Variants in STAC observed in about 807,000 individuals in gnomAD.
STAC encodes the protein SH3 and cysteine rich domain.
A neutral mutation model predicts 48.8 loss-of-function variants in STAC; 43 were observed. The ratio of observed to expected loss-of-function variants is 0.88; its 90% CI spans 0.69 to 1.14. The LOEUF is 1.14. STAC is among the 50% of genes most tolerant of loss of function. The pLI, the probability that STAC is intolerant of heterozygous loss-of-function variation, is 0.00. For synonymous variants in STAC, 193 were observed against 179.5 expected (o/e 1.07, Z -0.60); for missense variants, 497 against 504.0 (o/e 0.99, Z 0.13).
rs185867701 is a variant in STAC at position 36,530,380 on chromosome 3, C to T, written c.1110+1395C>T. Among the ~76,000 whole-genome samples, 10 of 152,150 alleles carry T rather than the reference C, an allele frequency of 6.6e-5. No homozygotes were observed. In the East Asian group the frequency reaches 7.7e-4, roughly 12 times the overall value. ...AGTTGCCGAAAACACATCTTGAATG[C>T]CTTTTTTAGGATTGCCTCAAAGATA... On this transcript the variant is annotated intron_variant, in intron 10 of 10. Coordinates refer to ENST00000273183, the MANE Select transcript of STAC (RefSeq NM_003149.3).
rs748654906 is a variant in STAC, at chr3:36,443,483, T to A, written c.231T>A (p.Ala77=). 6.2e-7 allele frequency: 1 copy of A among 1,614,222 alleles called. No homozygotes were observed. Among genetic ancestry groups the A allele is most frequent in the Admixed American group, 1.7e-5 (1 of 60,028 alleles). Residue 77 remains alanine, a synonymous_variant, in exon 2 of 11, where the codon GCT becomes GCA. Transcript: ENST00000273183. This position sits in a 1 kb window ranked among gnomAD's most constrained non-coding sequence, Gnocchi z 4.2. ...TGAAACTGCAAGCACACATGGTGGCTGAGATCAGCCCCAGCTCCAGCCCAC... is the reference window on the plus strand; with the variant it reads ...TGAAACTGCAAGCACACATGGTGGCAGAGATCAGCCCCAGCTCCAGCCCAC... ...EDMKLQAHMV[A]EISPSSSPLP... is the part of the protein sequence containing the mutation.
chr3:36,520,363 G>A (rs1315470797), intron 8 of STAC, among the ~76,000 whole-genome samples: 1 of 152,176 alleles, frequency 6.6e-6, no homozygotes, highest in African/African-American at 2.4e-5. Context: ...GAGAACAACT[G>A]TGACTTATCC....
chr3:36,436,201 C>T (rs183605005), intron 1 of STAC, among the ~76,000 whole-genome samples: 11 of 152,276 alleles, frequency 7.2e-5, no homozygotes, highest in Non-Finnish European at 1.2e-4. Flanking sequence ...CAAATTCAGC[C>T]GTATCTTACC....
chr3:36,534,537 T>C (rs1575269153), intron 10 of STAC, among the ~76,000 whole-genome samples: 1 of 152,256 alleles, frequency 6.6e-6, no homozygotes, highest in South Asian at 2.1e-4. Context: ...TTTGATTAAA[T>C]CACATTTTCT....
chr3:36,433,272 G>A (rs1433107913), intron 1 of STAC, among the ~76,000 whole-genome samples: 1 of 152,126 alleles, frequency 6.6e-6, no homozygotes, highest in Non-Finnish European at 1.5e-5. Context: ...ACTGGGGCCT[G>A]CTCTTAGTTT....
At chr3:36,540,399 G>A (rs957402853) in intron 10 of STAC, among the ~76,000 whole-genome samples, 2 of 152,254 alleles carry the variant, frequency 1.3e-5, no homozygotes, top group East Asian at 3.9e-4. Context: ...GAAGGTTATG[G>A]ACTCTGGGAT....
intron 1 of STAC, among the ~76,000 whole-genome samples, chr3:36,389,149 T>C (rs1239726231): frequency 1.3e-5 from 2 of 152,170 alleles, no homozygotes; most frequent in African/African-American, 4.8e-5. Context: ...TCCTCAAATA[T>C]TTCCTGCCAA....
intron 2 of STAC, among the ~76,000 whole-genome samples, chr3:36,478,965 T>C (rs9840835): frequency 0.12 from 18,688 of 152,190 alleles, 1,351 homozygotes; most frequent in East Asian, 0.31. Context: ...TTTCCAAGTC[T>C]GCTGCCTTAC....
At chr3:36,388,072 A>T (rs752699257) in intron 1 of STAC, among the ~76,000 whole-genome samples, 2 of 151,968 alleles carry the variant, frequency 1.3e-5, no homozygotes, top group Non-Finnish European at 2.9e-5. Flanking sequence ...TCATGTTTTT[A>T]TGTGCTTATA....
chr3:36,512,162 A>C (rs1698558420), intron 8 of STAC, among the ~76,000 whole-genome samples: 5 of 152,160 alleles, frequency 3.3e-5, no homozygotes, highest in Admixed American at 3.3e-4. Context: ...TGCTGAGTAA[A>C]ATCGTCATGC....
rs35923979 is a variant in STAC, at chr3:36,478,730, TG to T, written c.389-4261del. Among the ~76,000 whole-genome samples, 843 of 152,246 alleles carry T rather than the reference TG, an allele frequency of 5.5e-3. 3 individuals carry two copies. Among genetic ancestry groups the T allele is most frequent in the Middle Eastern group, 0.01 (3 of 294 alleles). On this transcript the variant is annotated intron_variant, in intron 2 of 10. Transcript: ENST00000273183. ...TTCAAACTCCTGACCTCAAGTGATC[TG>T]CCCACCTCAGCTTCCCAAAGTGCTG...
intron 1 of STAC, among the ~76,000 whole-genome samples, chr3:36,395,141 A>G (rs1204503599): frequency 1.3e-5 from 2 of 152,154 alleles, no homozygotes; most frequent in African/African-American, 4.8e-5. Context: ...AATCTTATGG[A>G]TAACTTTGCA....
intron 1 of STAC, among the ~76,000 whole-genome samples, chr3:36,385,854 C>T (rs938686326): frequency 1.3e-5 from 2 of 151,952 alleles, no homozygotes; most frequent in African/African-American, 4.8e-5. Context: ...TATAACATTC[C>T]ATTGTATGAA....
intron 1 of STAC, among the ~76,000 whole-genome samples, chr3:36,431,873 A>G (rs1247405506): frequency 2.0e-5 from 3 of 152,172 alleles, no homozygotes. Context: ...TTACATCTGC[A>G]AACTTCACTT....
intron 1 of STAC, among the ~76,000 whole-genome samples, chr3:36,419,985 G>T (rs1260095483): frequency 6.6e-6 from 1 of 151,798 alleles, no homozygotes; most frequent in Non-Finnish European, 1.5e-5. Flanking sequence ...CTATTTTTTT[G>T]CTTTCTTTTT....
chr3:36,440,790 G>A (rs529281021), intron 1 of STAC, among the ~76,000 whole-genome samples: 2 of 152,280 alleles, frequency 1.3e-5, no homozygotes, highest in East Asian at 3.9e-4. Flanking sequence ...CTTTTGAAGT[G>A]GAACTTAGGG....
chr3:36,386,406 TG>T (rs1699617782), intron 1 of STAC, among the ~76,000 whole-genome samples: 1 of 137,398 alleles, frequency 7.3e-6, no homozygotes, highest in African/African-American at 2.5e-5. Flanking sequence ...TCTTCTACAC[TG>T]AAAAAAAAAA....
chr3:36,439,438 T>G (rs1696259459), intron 1 of STAC, among the ~76,000 whole-genome samples: 1 of 152,166 alleles, frequency 6.6e-6, no homozygotes, highest in African/African-American at 2.4e-5. Flanking sequence ...ATTCTGATTT[T>G]GAGACATGAG....
At chr3:36,521,829 C>T (rs763810147) in intron 8 of STAC, among the ~76,000 whole-genome samples, 2 of 152,120 alleles carry the variant, frequency 1.3e-5, no homozygotes, top group African/African-American at 2.4e-5. Flanking sequence ...CATGGTGGCT[C>T]GTGTCTGTAA....
Sources: allele counts gnomAD v4.1 joint callset (sites outside exome capture counted in the v4.1 genomes callset), GRCh38; gene constraint gnomAD v4.1.1; non-coding constraint Gnocchi (gnomAD v3.1); transcripts MANE v1.5; gene names NCBI Gene and HGNC (gene_info 2026-07-23, HGNC 2026-07-21).